PGLYRP4: variants seen among roughly 807,000 people sequenced by gnomAD.
The protein encoded by PGLYRP4 is PGRP-I-beta.
A neutral mutation model predicts 41.2 loss-of-function variants in PGLYRP4; 39 were observed. The observed-to-expected ratio is 0.95, with a 90% CI of 0.73 to 1.24. The LOEUF (loss-of-function observed/expected upper bound fraction) is 1.24. Ranked by LOEUF, PGLYRP4 falls within the 50% of genes most tolerant of loss-of-function variation. The pLI is 0.00. For missense variants in PGLYRP4, 467 were observed against 460.7 expected (o/e 1.01, Z -0.13); for synonymous variants, 202 against 186.8 (o/e 1.08, Z -0.66).
chr1:153,336,924 T>A (rs1660591761), intron 8 of PGLYRP4, among the ~76,000 whole-genome samples: 3 of 152,132 alleles, frequency 2.0e-5, no homozygotes, highest in African/African-American at 7.2e-5. Context: ...TCTTTTCCCC[T>A]TACTTTGCAT....
intron 8 of PGLYRP4, among the ~76,000 whole-genome samples, chr1:153,335,091 C>T (rs1004745121): frequency 7.2e-5 from 11 of 152,092 alleles, no homozygotes; most frequent in African/African-American, 2.2e-4. Context: ...CTATAAAAAT[C>T]TTAGAAGAAA....
At chr1:153,347,476 T>A (rs1419708365) in intron 2 of PGLYRP4, among the ~76,000 whole-genome samples, 1 of 151,094 alleles carries the variant, frequency 6.6e-6, no homozygotes, top group Non-Finnish European at 1.5e-5. Flanking sequence ...TTCAAGCAAT[T>A]CTCCTACCTC....
chr1:153,330,738 A>G lies in PGLYRP4; in HGVS notation c.*29T>C, dbSNP rs776202632. On this transcript the variant is annotated 3_prime_UTR_variant, in exon 9 of 9. Coordinates refer to ENST00000359650, the MANE Select transcript of PGLYRP4 (RefSeq NM_020393.4). Reference sequence around the variant, plus strand: ...AGGAGAGACCTGACAGGGGAGGGAAAGCAGTCTCAGAAGGACCTGGGGCTT... The same window carrying G: ...AGGAGAGACCTGACAGGGGAGGGAAGGCAGTCTCAGAAGGACCTGGGGCTT... The G allele has an allele frequency of 6.3e-7, 1 of 1,596,846 alleles. No homozygotes were observed. The highest frequency in any genetic ancestry group is 1.1e-5 in the South Asian group (1 of 90,170).
intron 4 of PGLYRP4, among the ~76,000 whole-genome samples, chr1:153,344,664 AG>A (rs1010806965): frequency 6.6e-6 from 1 of 152,214 alleles, no homozygotes; most frequent in Non-Finnish European, 1.5e-5. Context: ...CGATCATTAC[AG>A]GAACAGATGG....
Position 153,340,404 on chromosome 1 carries a change from G to A in PGLYRP4, c.801C>T (p.Leu267=). ...RDIQSFYIDR[L]KSCDIGYNFL... ...ACTTATAACCAATGTCGCATGACTTGAGCCTGTCTATGTAGAAAGACTGGA... is the reference window on the plus strand; with the variant it reads ...ACTTATAACCAATGTCGCATGACTTAAGCCTGTCTATGTAGAAAGACTGGA... Residue 267 remains leucine (L), a synonymous_variant, in exon 7 of 9, where the codon CTC becomes CTT. Coordinates refer to ENST00000359650, the MANE Select transcript of PGLYRP4 (RefSeq NM_020393.4). The A allele has an allele frequency of 6.2e-7, 1 of 1,614,112 alleles. No homozygotes were observed. Among genetic ancestry groups the A allele is most frequent in the East Asian group, 2.2e-5 (1 of 44,878 alleles).
chr1:153,345,792 C>T (rs558947917), intron 3 of PGLYRP4, among the ~76,000 whole-genome samples: 1 of 152,200 alleles, frequency 6.6e-6, no homozygotes, highest in African/African-American at 2.4e-5. Context: ...CTTCTCCCCC[C>T]AGCAGGGGCT....
intron 5 of PGLYRP4, among the ~76,000 whole-genome samples, chr1:153,342,478 G>A (rs1188545709): frequency 6.6e-6 from 1 of 152,180 alleles, no homozygotes; most frequent in African/African-American, 2.4e-5. Flanking sequence ...ACTGGAAGGG[G>A]AAAATGAGAA....
intron 8 of PGLYRP4, among the ~76,000 whole-genome samples, chr1:153,335,832 C>T (rs1350584442): frequency 6.6e-6 from 1 of 152,142 alleles, no homozygotes; most frequent in Non-Finnish European, 1.5e-5. Context: ...TAAATTAGTA[C>T]AACCTCTATG....
chr1:153,342,288 AAC>A (rs1260118069), intron 5 of PGLYRP4, among the ~76,000 whole-genome samples: 1 of 152,222 alleles, frequency 6.6e-6, no homozygotes, highest in African/African-American at 2.4e-5. Context: ...AAACAAGATA[AAC>A]ACAGAGTCCT....
chr1:153,336,967 G>A (rs1214131678), intron 8 of PGLYRP4, among the ~76,000 whole-genome samples: 1 of 152,172 alleles, frequency 6.6e-6, no homozygotes, highest in African/African-American at 2.4e-5. Context: ...GAGACATTTG[G>A]CTGGGTGTAA....
At chr1:153,344,676 A>C (rs72708715) in intron 4 of PGLYRP4, among the ~76,000 whole-genome samples, 14,034 of 152,212 alleles carry the variant, frequency 0.092, 991 homozygotes, top group African/African-American at 0.2. Context: ...GAACAGATGG[A>C]CATTTGCCTC....
At chr1:153,345,011 G>T (rs1660941739) in intron 4 of PGLYRP4, 158 bp downstream of exon 4, 1 of 621,568 alleles carries the variant, frequency 1.6e-6, no homozygotes, top group Non-Finnish European at 2.8e-6. Flanking sequence ...AAAATCCAAA[G>T]GATTGGGAGT....
chr1:153,346,062 G>A (rs1660995472), intron 3 of PGLYRP4, 40 bp downstream of exon 3: 1 of 1,440,290 alleles, frequency 6.9e-7, no homozygotes, highest in Non-Finnish European at 9.8e-7. Context: ...AAAAACCCCA[G>A]CTCGTCCCAA....
intron 8 of PGLYRP4, among the ~76,000 whole-genome samples, chr1:153,334,468 T>TATATATATATTTATATATATA (rs1275488427): frequency 5.1e-4 from 72 of 142,524 alleles, no homozygotes; most frequent in African/African-American, 5.4e-4. Flanking sequence ...ATATATTTAT[T>TATATATATATTTATATATATA]TATATATATT....
Position 153,330,799 on chromosome 1 carries a change from T to G in PGLYRP4, c.1090A>C (p.Ile364Leu). The G allele has an allele frequency of 1.2e-6, 2 of 1,613,966 alleles. No homozygotes were observed. The highest frequency in any genetic ancestry group is 1.7e-6 in the Non-Finnish European group (2 of 1,179,924). ...TTGAAATGAGGCCAGGTGCTGATGA[T>G]GTTGTACAAAGCCTGCCCAGGAGAC... Reference protein sequence around the residue: ...TLSPGQALYNIISTWPHFKH With the variant: ...TLSPGQALYNLISTWPHFKH The change falls in exon 9 of 9, where the codon ATC becomes CTC. Residue 364 changes from isoleucine to leucine, a missense_variant. Coordinates refer to ENST00000359650, the MANE Select transcript of PGLYRP4 (RefSeq NM_020393.4).
chr1:153,338,272 C>T (rs563429519), intron 7 of PGLYRP4, among the ~76,000 whole-genome samples: 63 of 152,296 alleles, frequency 4.1e-4, no homozygotes, highest in Non-Finnish European at 6.3e-4. Context: ...CCCTGATCTG[C>T]CCTGCACCCT....
At chr1:153,342,108 G>C (rs991866167) in intron 5 of PGLYRP4, among the ~76,000 whole-genome samples, 1 of 152,200 alleles carries the variant, frequency 6.6e-6, no homozygotes, top group Non-Finnish European at 1.5e-5. Context: ...CCAGGCATGT[G>C]TCAGGCTCTT....
At chr1:153,341,599 G>A (rs757213225) in intron 6 of PGLYRP4, 28 bp downstream of exon 6, 7 of 1,594,476 alleles carry the variant, frequency 4.4e-6, no homozygotes, top group Non-Finnish European at 6.0e-6. Context: ...CCAGTGGCAG[G>A]CCCAGTAGGG....
chr1:153,339,870 T>C (rs1040372741), intron 7 of PGLYRP4, among the ~76,000 whole-genome samples: 3 of 152,136 alleles, frequency 2.0e-5, no homozygotes, highest in Non-Finnish European at 4.4e-5. Context: ...AAGATAGTAT[T>C]TGGTCTCTCC....
Sources: gnomAD v4.1 joint callset for allele counts (sites outside exome capture counted in the v4.1 genomes callset) on GRCh38, gnomAD v4.1.1 for gene constraint, MANE v1.5 for transcripts, NCBI Gene and HGNC (gene_info 2026-07-23, HGNC 2026-07-21) for gene names.